Variants in PAPSS2 observed in about 807,000 individuals in gnomAD.
PAPSS2 encodes 3'-phosphoadenosine 5'-phosphosulfate synthase 2.
In PAPSS2, 61 loss-of-function variants were observed where a neutral mutation model predicts 66.5. That is an observed-to-expected ratio of 0.92 (90% CI 0.75 to 1.14). PAPSS2 has a LOEUF of 1.14. Among genes scored for constraint, PAPSS2 ranks in the 50% most tolerant of loss-of-function variants. The pLI, the probability that PAPSS2 is intolerant of heterozygous loss-of-function variation, is 0.00. For synonymous variants in PAPSS2, 289 were observed against 287.5 expected (o/e 1.01, Z -0.05); for missense variants, 708 against 789.6 (o/e 0.90, Z 1.24).
chr10:87,712,581 G>A (rs2131934248), intron 2 of PAPSS2, among the ~76,000 whole-genome samples: 1 of 152,184 alleles, frequency 6.6e-6, no homozygotes, highest in South Asian at 2.1e-4. Flanking sequence ...TCAGCCTCCT[G>A]AGTAGCTGGG....
At chr10:87,724,079 AT>A (rs1853628564) in intron 8 of PAPSS2, among the ~76,000 whole-genome samples, 1 of 152,160 alleles carries the variant, frequency 6.6e-6, no homozygotes, top group African/African-American at 2.4e-5. Flanking sequence ...AATTGAGAGA[AT>A]AGCCTATTTG....
At chr10:87,734,545 C>T (rs972382291) in intron 9 of PAPSS2, among the ~76,000 whole-genome samples, 16 of 151,396 alleles carry the variant, frequency 1.1e-4, no homozygotes, top group Non-Finnish European at 1.9e-4. Context: ...CTGCCACTTC[C>T]CCTCTGTAAA....
intron 7 of PAPSS2, among the ~76,000 whole-genome samples, chr10:87,720,743 CA>C (rs34452823): frequency 0.51 from 76,364 of 150,822 alleles, 20,151 homozygotes; most frequent in East Asian, 0.71. Context: ...GTCCAAAAGC[CA>C]AAAAAAAACC....
chr10:87,743,621 T>G lies in PAPSS2; in HGVS notation c.1471T>G (p.Leu491Val). 1 of 1,614,146 alleles carries G rather than the reference T, an allele frequency of 6.2e-7. No individual in the cohort carries two copies. The highest frequency in any genetic ancestry group is 8.5e-7 in the Non-Finnish European group (1 of 1,180,000). The part of the protein sequence containing the change: ...TIVAIFPSPM[L>V]YAGPTEVQWH... Reference sequence around the variant, plus strand: ...TGTTGCCATCTTTCCGTCTCCCATGTTATATGCTGGCCCCACAGAGGTGAG... The same window carrying G: ...TGTTGCCATCTTTCCGTCTCCCATGGTATATGCTGGCCCCACAGAGGTGAG... Residue 491 changes from leucine to valine, a missense_variant, in exon 11 of 13, where the codon TTA (leucine) becomes GTA (valine). Physicochemically the swap from Leu to Val is conservative, Grantham distance 32. Coordinates refer to ENST00000456849, the MANE Select transcript of PAPSS2 (RefSeq NM_001015880.2).
At chr10:87,681,982 A>G (rs550735994) in intron 1 of PAPSS2, among the ~76,000 whole-genome samples, 37 of 152,332 alleles carry the variant, frequency 2.4e-4, no homozygotes, top group African/African-American at 8.9e-4. Flanking sequence ...TGGGGCTATT[A>G]TGAAGAATGG....
At chr10:87,713,005 A>T in intron 2 of PAPSS2, 70 bp from the exon 3 acceptor site, 1 of 823,978 alleles carries the variant, frequency 1.2e-6, no homozygotes, top group Non-Finnish European at 2.1e-6. Flanking sequence ...TAAAATTACT[A>T]GATTAGTTCA....
intron 1 of PAPSS2, among the ~76,000 whole-genome samples, chr10:87,702,455 G>A (rs1759055006): frequency 6.6e-6 from 1 of 152,174 alleles, no homozygotes; most frequent in African/African-American, 2.4e-5. Flanking sequence ...CTCCTACCAT[G>A]GGCCTGATAG....
rs1564730015 is a variant in PAPSS2, at chr10:87,743,792, G to A, written c.1491+151G>A. 6 of 979,906 alleles carry A rather than the reference G, an allele frequency of 6.1e-6. No homozygotes were observed. In the East Asian group the frequency reaches 1.5e-4, roughly 25 times the overall value. 60.7% of individuals were successfully genotyped at this position (979,906 alleles called of 1,614,324 possible). A position where few individuals can be genotyped will look rare whatever the true frequency, so the allele number is the denominator to read the frequency against. ...TCTCTTCTTTATCTAGCTTAATTAT[G>A]TTTCCACTTAGTATTTGAAAAGTGC... On this transcript the variant is annotated intron_variant, in intron 11 of 12. Transcript: ENST00000456849.
At chr10:87,727,879 C>A (rs1340039818) in intron 9 of PAPSS2, among the ~76,000 whole-genome samples, 1 of 152,160 alleles carries the variant, frequency 6.6e-6, no homozygotes, top group African/African-American at 2.4e-5. Context: ...TAAGTATCTT[C>A]ATAAAGAATG....
In PAPSS2 at chr10:87,743,631, G is replaced by T. The variant is rs1021819356; in HGVS notation, c.1481G>T (p.Gly494Val). 6.2e-7 allele frequency: 1 copy of T among 1,614,128 alleles called. No homozygotes were observed. Among genetic ancestry groups the T allele is most frequent in the Non-Finnish European group, 8.5e-7 (1 of 1,179,988 alleles). ...TTTCCGTCTCCCATGTTATATGCTG[G>T]CCCCACAGAGGTGAGCAATTCCCAG... Reference protein sequence around the residue: ...AIFPSPMLYAGPTEVQWHCRS... With the variant: ...AIFPSPMLYAVPTEVQWHCRS... The change falls in exon 11 of 13, where the codon GGC (glycine) becomes GTC (valine). Residue 494 changes from glycine (G) to valine (V), a missense_variant. Physicochemically the swap from Gly to Val is moderately radical, Grantham distance 109. Coordinates refer to ENST00000456849, the MANE Select transcript of PAPSS2 (RefSeq NM_001015880.2).
intron 1 of PAPSS2, among the ~76,000 whole-genome samples, chr10:87,675,353 A>T (rs1852930964): frequency 6.6e-6 from 1 of 152,254 alleles, no homozygotes; most frequent in Non-Finnish European, 1.5e-5. Flanking sequence ...CATTAAAAAG[A>T]TTCGCATATT....
rs538392649 is a variant in PAPSS2 at position 87,742,998 on chromosome 10, C to T, written c.1223-375C>T. 9.2e-5 allele frequency among the ~76,000 whole-genome samples: 14 copies of T among 152,346 alleles called. No homozygotes were observed. The South Asian group carries it at 2.9e-3, about 32-fold the overall frequency. ...CAGTGGCTTACGCCTGTAATCCCAA[C>T]ACTTTGGGAGGCTGAGGCAGGCGGA... On this transcript the variant is annotated intron_variant, in intron 10 of 12. Coordinates refer to ENST00000456849, the MANE Select transcript of PAPSS2 (RefSeq NM_001015880.2).
intron 7 of PAPSS2, among the ~76,000 whole-genome samples, chr10:87,718,019 A>ATTTTCTTTTTTCTTTTCTTTT (rs928896540): frequency 6.6e-6 from 1 of 150,958 alleles, no homozygotes; most frequent in African/African-American, 2.4e-5. Context: ...AAACCTGTTG[A>ATTTTCTTTTTTCTTTTCTTTT]TTTTCTTTTT....
chr10:87,707,444 C>A (rs1853405149), intron 1 of PAPSS2, among the ~76,000 whole-genome samples: 1 of 151,754 alleles, frequency 6.6e-6, no homozygotes, highest in Admixed American at 6.6e-5. Flanking sequence ...TTTGCATGTT[C>A]ATATCTGTCA....
rs1235099272 is a variant in PAPSS2 at position 87,743,619 on chromosome 10, T to G, written c.1469T>G (p.Met490Arg). The G allele has an allele frequency of 6.2e-7, 1 of 1,614,024 alleles. No individual in the cohort carries two copies. Among genetic ancestry groups the G allele is most frequent in the Admixed American group, 1.7e-5 (1 of 60,010 alleles). The change falls in exon 11 of 13, where the codon ATG (methionine) becomes AGG (arginine). Residue 490 changes from methionine (M) to arginine (R), a missense_variant. Transcript: ENST00000456849. ...STIVAIFPSP[M>R]LYAGPTEVQW... ...ATTGTTGCCATCTTTCCGTCTCCCA[T>G]GTTATATGCTGGCCCCACAGAGGTG...
chr10:87,718,489 C>A (rs1853558763), intron 7 of PAPSS2, among the ~76,000 whole-genome samples: 1 of 152,232 alleles, frequency 6.6e-6, no homozygotes, highest in African/African-American at 2.4e-5. Context: ...ATACTTGAAG[C>A]CTACTAGTTC....
intron 1 of PAPSS2, chr10:87,703,856 A>C (rs1853349453): frequency 1.9e-6 from 1 of 515,862 alleles, no homozygotes; most frequent in Admixed American, 1.9e-5. Context: ...TAAGGGGCAG[A>C]GTTAGATGGG....
At chr10:87,661,905 A>T (rs554419000) in intron 1 of PAPSS2, among the ~76,000 whole-genome samples, 3 of 152,338 alleles carry the variant, frequency 2.0e-5, no homozygotes, top group African/African-American at 7.2e-5. Context: ...CCAAGTTCCC[A>T]AAAGGGCTAG....
At chr10:87,728,880 GT>G (rs1172096315) in intron 9 of PAPSS2, among the ~76,000 whole-genome samples, 3 of 152,190 alleles carry the variant, frequency 2.0e-5, no homozygotes, top group African/African-American at 7.2e-5. Flanking sequence ...TAAGTCCCCT[GT>G]TTGTGGCCTC....
Sources: gnomAD v4.1 joint callset for allele counts (sites outside exome capture counted in the v4.1 genomes callset) on GRCh38, gnomAD v4.1.1 for gene constraint, MANE v1.5 for transcripts, NCBI Gene and HGNC (gene_info 2026-07-23, HGNC 2026-07-21) for gene names.